Variants in CPE observed in about 807,000 individuals in gnomAD.
CPE encodes carbocypeptidase E.
A neutral mutation model predicts 53.5 loss-of-function variants in CPE; 17 were observed. The observed-to-expected ratio is 0.32, with a 90% CI of 0.22 to 0.48. The LOEUF is 0.48. CPE is among the 20% of genes least tolerant of loss of function. The pLI, the probability that CPE is intolerant of heterozygous loss-of-function variation, is 0.99. For synonymous variants in CPE, 226 were observed against 228.8 expected (o/e 0.99, Z 0.11); for missense variants, 524 against 614.7 (o/e 0.85, Z 1.56).
At chr4:165,386,243 G>A (rs766247747) in intron 1 of CPE, 5 of 522,960 alleles carry the variant, frequency 9.6e-6, no homozygotes, top group South Asian at 2.9e-5. Flanking sequence ...TTGGTCTACA[G>A]ATAAATCTAT....
chr4:165,416,149 G>A (rs542574964), intron 1 of CPE, among the ~76,000 whole-genome samples: 3 of 152,310 alleles, frequency 2.0e-5, no homozygotes, highest in African/African-American at 2.4e-5. Flanking sequence ...TAGCTGAGAC[G>A]AAAGCATTGC....
chr4:165,481,507 A>G (rs1732411536), intron 3 of CPE, among the ~76,000 whole-genome samples: 5 of 152,212 alleles, frequency 3.3e-5, no homozygotes, highest in Non-Finnish European at 7.3e-5. Flanking sequence ...CCTAGTTGCT[A>G]TTAAAAACTC....
intron 1 of CPE, among the ~76,000 whole-genome samples, chr4:165,430,813 G>A (rs896835015): frequency 3.3e-5 from 5 of 152,164 alleles, no homozygotes. Context: ...TTAAATGTTT[G>A]AATTTAGACA....
intron 1 of CPE, among the ~76,000 whole-genome samples, chr4:165,412,052 C>T (rs1425153289): frequency 6.6e-6 from 1 of 152,220 alleles, no homozygotes; most frequent in Non-Finnish European, 1.5e-5. Flanking sequence ...GGAACAGCCT[C>T]TGTCTACAGG....
intron 1 of CPE, among the ~76,000 whole-genome samples, chr4:165,381,950 C>A (rs772495449): frequency 6.6e-6 from 1 of 152,190 alleles, no homozygotes; most frequent in African/African-American, 2.4e-5. Context: ...GTGGACCAGG[C>A]GTCTGTGAGT....
chr4:165,388,061 T>C (rs9997245), intron 1 of CPE, among the ~76,000 whole-genome samples: 37,629 of 152,170 alleles, frequency 0.25, 4,888 homozygotes, highest in East Asian at 0.4. Context: ...CTATCCAATT[T>C]CTCTTCCTAT....
chr4:165,440,832 G>C (rs891230398), intron 1 of CPE, among the ~76,000 whole-genome samples: 1 of 152,034 alleles, frequency 6.6e-6, no homozygotes, highest in Non-Finnish European at 1.5e-5. Flanking sequence ...CCGAGACCTG[G>C]AACTTGTTGG....
In CPE at chr4:165,497,623, T is replaced by A. The variant is rs770511193; in HGVS notation, c.*13T>A. The A allele has an allele frequency of 6.7e-7, 1 of 1,482,244 alleles. No homozygotes were observed. The highest frequency in any genetic ancestry group is 9.1e-7 in the Non-Finnish European group (1 of 1,093,892). The allele number at this position is 1,482,244 out of a possible 1,614,324, so 91.8% of individuals were successfully genotyped here. ...TTTAAATTTTTAAAAAGGCTTCTAG[T>A]TAGCTGCTTTAAATCTATCTATATA... is the stretch of plus-strand genomic sequence containing the variant. On this transcript the variant is annotated 3_prime_UTR_variant, in exon 9 of 9. Transcript: ENST00000402744.
intron 1 of CPE, among the ~76,000 whole-genome samples, chr4:165,449,532 A>G (rs1731773089): frequency 6.6e-6 from 1 of 152,150 alleles, no homozygotes; most frequent in Non-Finnish European, 1.5e-5. Flanking sequence ...GTGAGGGCAG[A>G]AGTGTGGTTG....
intron 1 of CPE, among the ~76,000 whole-genome samples, chr4:165,380,204 A>G (rs1413383948): frequency 1.2e-4 from 18 of 152,140 alleles, no homozygotes; most frequent in Admixed American, 1.2e-3. Flanking sequence ...CCCTCCTCCT[A>G]CCAGGGTGAA....
At chr4:165,472,635 G>A (rs979243070) in intron 3 of CPE, among the ~76,000 whole-genome samples, 22 of 152,074 alleles carry the variant, frequency 1.4e-4, no homozygotes, top group African/African-American at 4.8e-4. Context: ...TTTAACTTTA[G>A]CCAATATGAT....
chr4:165,495,475 G>T, intron 7 of CPE, 84 bp from the exon 8 acceptor site: 2 of 840,406 alleles, frequency 2.4e-6, no homozygotes, highest in Non-Finnish European at 3.8e-6. Context: ...GCTAGACTGG[G>T]TATTCCTTAG....
chr4:165,384,127 A>C (rs895911975), intron 1 of CPE, among the ~76,000 whole-genome samples: 16 of 152,236 alleles, frequency 1.1e-4, no homozygotes, highest in Non-Finnish European at 2.1e-4. Flanking sequence ...ATTATTAAGA[A>C]ATACAAAATA....
chr4:165,411,917 G>A (rs1317565288), intron 1 of CPE, among the ~76,000 whole-genome samples: 5 of 152,102 alleles, frequency 3.3e-5, no homozygotes, highest in Non-Finnish European at 7.4e-5. Context: ...GAGTCTCTAC[G>A]TTCCTCCAGG....
intron 1 of CPE, among the ~76,000 whole-genome samples, chr4:165,459,680 GGGGC>G (rs1222122465): frequency 7.7e-6 from 1 of 130,302 alleles, no homozygotes; most frequent in Non-Finnish European, 1.6e-5. Context: ...TGGGTGGGGG[GGGGC>G]GGGGCAGATC....
At chr4:165,438,818 A>C (rs561406783) in intron 1 of CPE, among the ~76,000 whole-genome samples, 1 of 152,294 alleles carries the variant, frequency 6.6e-6, no homozygotes, top group South Asian at 2.1e-4. Context: ...CTTGGCACTC[A>C]TGGACTGTAG....
intron 1 of CPE, among the ~76,000 whole-genome samples, chr4:165,461,338 T>C (rs1340299016): frequency 6.6e-6 from 1 of 152,032 alleles, no homozygotes; most frequent in African/African-American, 2.4e-5. Context: ...ACGAGCCTCG[T>C]GGCTGAAAGA....
Position 165,493,245 on chromosome 4 carries a change from A to C in CPE, c.1188A>C (p.Glu396Asp). The C allele has an allele frequency of 6.2e-7, 1 of 1,614,048 alleles. No individual in the cohort carries two copies. Among genetic ancestry groups the C allele is most frequent in the South Asian group, 1.1e-5 (1 of 91,088 alleles). ...NPIANATISV[E>D]GIDHDVTSAK... ...TTGCGAATGCCACCATCTCCGTGGAAGGAATAGACCACGATGTTACATCCG... is the reference window on the plus strand; with the variant it reads ...TTGCGAATGCCACCATCTCCGTGGACGGAATAGACCACGATGTTACATCCG... Residue 396 changes from glutamate (E) to aspartate (D), a missense_variant, in exon 7 of 9, where the codon GAA becomes GAC. Glu to Asp is a conservative substitution (Grantham distance 45). Transcript: ENST00000402744.
chr4:165,457,239 G>T (rs1325957003), intron 1 of CPE, among the ~76,000 whole-genome samples: 1 of 152,242 alleles, frequency 6.6e-6, no homozygotes, highest in African/African-American at 2.4e-5. Flanking sequence ...TGAGCCAAGT[G>T]ACCACACATT....
Sources: gnomAD v4.1 joint callset for allele counts (sites outside exome capture counted in the v4.1 genomes callset) on GRCh38, gnomAD v4.1.1 for gene constraint, MANE v1.5 for transcripts, NCBI Gene and HGNC (gene_info 2026-07-23, HGNC 2026-07-21) for gene names.